SNTB2: variants seen among roughly 807,000 people sequenced by gnomAD.
The protein encoded by SNTB2 is syntrophin beta 2, also known as beta-2-syntrophin.
Under a neutral mutation model 46.2 loss-of-function variants are expected in SNTB2, and 34 were observed. The ratio of observed to expected loss-of-function variants is 0.74; its 90% confidence interval spans 0.56 to 0.98. The LOEUF (loss-of-function observed/expected upper bound fraction) is 0.98, where lower values mean the gene tolerates loss of function less well. SNTB2 is among the 50% of genes least tolerant of loss of function. The pLI is 0.00. For missense variants in SNTB2, 603 were observed against 731.4 expected (o/e 0.82, Z 2.02); for synonymous variants, 290 against 312.6 (o/e 0.93, Z 0.76).
intron 2 of SNTB2, among the ~76,000 whole-genome samples, chr16:69,255,714 C>T: frequency 6.6e-6 from 1 of 151,796 alleles, no homozygotes; most frequent in East Asian, 1.9e-4. Flanking sequence ...ATCCCCCACT[C>T]TACTAAAGAT....
intron 5 of SNTB2, 73 bp downstream of exon 5, chr16:69,284,317 C>T: frequency 7.7e-7 from 1 of 1,301,984 alleles, no homozygotes. Context: ...TGCATAATGA[C>T]ATTTCAGTCA....
chr16:69,217,847 A>G (rs541651997), intron 1 of SNTB2, among the ~76,000 whole-genome samples: 2 of 152,302 alleles, frequency 1.3e-5, no homozygotes, highest in South Asian at 2.1e-4. Flanking sequence ...GAGTCTCTCA[A>G]CTTATCCTGG....
At chr16:69,211,852 A>G (rs898311963) in intron 1 of SNTB2, among the ~76,000 whole-genome samples, 3 of 152,070 alleles carry the variant, frequency 2.0e-5, no homozygotes, top group Non-Finnish European at 4.4e-5. Flanking sequence ...TCAAAAATAA[A>G]CCCTTATTCA....
chr16:69,242,846 C>T (rs973184967), intron 1 of SNTB2, among the ~76,000 whole-genome samples: 4 of 151,874 alleles, frequency 2.6e-5, no homozygotes, highest in African/African-American at 7.3e-5. Context: ...ACGGTGAAAC[C>T]CCGTCTCTAC....
In SNTB2 at chr16:69,270,183, T is replaced by G. The variant is rs754764257; in HGVS notation, c.1046T>G (p.Leu349Arg). ...GGAAGACAGCAATGGAGACCTGTCC[T>G]CATGGCTGTGACTGAGAAGGATTTG... ...DGGRQQWRPVLMAVTEKDLLL... is the reference protein window; with the variant it reads ...DGGRQQWRPVRMAVTEKDLLL... Residue 349 changes from leucine to arginine, a missense_variant, in exon 4 of 7, where the codon CTC becomes CGC. Leu to Arg is a moderately radical substitution (Grantham distance 102). This residue lies in a region of SNTB2 where 537 missense variants were observed against 692.4 expected (regional missense o/e 0.78). Coordinates refer to ENST00000336278, the MANE Select transcript of SNTB2 (RefSeq NM_006750.4). 6.2e-7 allele frequency: 1 copy of G among 1,614,142 alleles called. No individual in the cohort carries two copies. Among genetic ancestry groups the G allele is most frequent in the Non-Finnish European group, 8.5e-7 (1 of 1,180,026 alleles).
chr16:69,197,695 C>A (rs915494788), intron 1 of SNTB2, among the ~76,000 whole-genome samples: 1 of 152,156 alleles, frequency 6.6e-6, no homozygotes, highest in African/African-American at 2.4e-5. Flanking sequence ...ACAAGTAAAT[C>A]TTTGCCCAAA....
intron 5 of SNTB2, among the ~76,000 whole-genome samples, chr16:69,291,420 A>C (rs1483531076): frequency 6.6e-6 from 1 of 152,220 alleles, no homozygotes; most frequent in East Asian, 1.9e-4. Context: ...ATTTAAAAAA[A>C]CACATAGTTG....
intron 1 of SNTB2, chr16:69,235,847 C>G: frequency 3.9e-6 from 5 of 1,289,024 alleles, no homozygotes; most frequent in Non-Finnish European, 5.1e-6. Flanking sequence ...AGTTTGAACC[C>G]GTTAGCTACC....
At chr16:69,205,316 AT>A (rs34575541) in intron 1 of SNTB2, among the ~76,000 whole-genome samples, 25,528 of 130,940 alleles carry the variant, frequency 0.19, 2,507 homozygotes, top group Middle Eastern at 0.23. Context: ...CGCTTGGCAA[AT>A]TTTTTTTTTT....
intron 2 of SNTB2, among the ~76,000 whole-genome samples, chr16:69,256,130 G>A (rs1387439399): frequency 6.6e-6 from 1 of 152,030 alleles, no homozygotes; most frequent in Non-Finnish European, 1.5e-5. Flanking sequence ...AGGTTGCAGT[G>A]AGCCAAGATC....
chr16:69,257,125 C>A (rs1964784533), intron 2 of SNTB2, among the ~76,000 whole-genome samples: 1 of 149,254 alleles, frequency 6.7e-6, no homozygotes. Flanking sequence ...GAGCTGAGAT[C>A]GTGCCACTGT....
At chr16:69,271,491 A>G (rs1964937217) in intron 4 of SNTB2, among the ~76,000 whole-genome samples, 1 of 152,166 alleles carries the variant, frequency 6.6e-6, no homozygotes, top group Non-Finnish European at 1.5e-5. Flanking sequence ...ACTTCCCACA[A>G]TGCTTTGCGT....
chr16:69,231,593 A>G (rs1964507007), intron 1 of SNTB2, among the ~76,000 whole-genome samples: 1 of 152,250 alleles, frequency 6.6e-6, no homozygotes, highest in African/African-American at 2.4e-5. Context: ...CCATCTCAAA[A>G]CAAATGAACA....
intron 1 of SNTB2, among the ~76,000 whole-genome samples, chr16:69,244,934 T>C (rs1964654937): frequency 6.6e-6 from 1 of 152,032 alleles, no homozygotes; most frequent in African/African-American, 2.4e-5. Context: ...GTTGATTGAG[T>C]TGAATGGAAA....
intron 1 of SNTB2, among the ~76,000 whole-genome samples, chr16:69,239,611 C>G (rs2152296108): frequency 6.6e-6 from 1 of 152,280 alleles, no homozygotes; most frequent in Admixed American, 6.5e-5. Flanking sequence ...TGCAGTGGCG[C>G]AATCTCAGCT....
chr16:69,260,440 G>C (rs1964824411), intron 3 of SNTB2, among the ~76,000 whole-genome samples, 180 bp downstream of exon 3: 2 of 151,856 alleles, frequency 1.3e-5, no homozygotes, highest in Admixed American at 1.3e-4. Context: ...TTGTCTATTT[G>C]TTGCTAATTA....
intron 2 of SNTB2, among the ~76,000 whole-genome samples, chr16:69,252,165 T>A (rs1354121862): frequency 6.6e-6 from 1 of 152,194 alleles, no homozygotes; most frequent in Admixed American, 6.5e-5. Context: ...TAGAGGGAAA[T>A]ACCCTTTTTT....
At chr16:69,224,504 T>C (rs1158626327) in intron 1 of SNTB2, among the ~76,000 whole-genome samples, 2 of 152,170 alleles carry the variant, frequency 1.3e-5, no homozygotes, top group South Asian at 2.1e-4. Context: ...AGCCACTGTT[T>C]CCTTTGTAAT....
chr16:69,301,994 A>G lies in SNTB2; in HGVS notation c.*1070A>G, dbSNP rs896341899. On this transcript the variant is annotated 3_prime_UTR_variant, in exon 7 of 7. Coordinates refer to ENST00000336278, the MANE Select transcript of SNTB2 (RefSeq NM_006750.4). ...GTAGACTTGGTGGGTGAAGCCAGCA[A>G]TTCCGCACAAACGTCATGTTGAATT... 1 of 152,168 alleles carries G rather than the reference A, an allele frequency of 6.6e-6. No homozygotes were observed. Among genetic ancestry groups the G allele is most frequent in the African/African-American group, 2.4e-5 (1 of 41,424 alleles). 9.4% of individuals were successfully genotyped at this position (152,168 alleles called of 1,614,324 possible).
Sources: gnomAD v4.1 joint callset for allele counts (sites outside exome capture counted in the v4.1 genomes callset) on GRCh38, gnomAD v4.1.1 for gene constraint, gnomAD v4.1.1 regional missense constraint, MANE v1.5 for transcripts, NCBI Gene and HGNC (gene_info 2026-07-23, HGNC 2026-07-21) for gene names.